The following MAP2 variants were observed in gnomAD, a reference collection of about 807,000 sequenced individuals.
MAP2 encodes microtubule associated protein 2, also known as microtubule-associated protein 2.
A neutral mutation model predicts 137.6 loss-of-function variants in MAP2; 14 were observed. The observed-to-expected ratio is 0.10, with a 90% CI of 0.07 to 0.16. MAP2 has a LOEUF of 0.16. Ranked by LOEUF, MAP2 falls within the 10% of genes least tolerant of loss-of-function variation. MAP2 has a pLI of 1.00. For missense variants in MAP2, 2,088 were observed against 2,191.5 expected, an observed-to-expected ratio of 0.95 and a Z score of 0.94; for synonymous variants, 786 against 782.3, an observed-to-expected ratio of 1.00 and a Z score of -0.08.
chr2:209,508,611 C>G (rs967716195), intron 2 of MAP2, among the ~76,000 whole-genome samples: 24 of 135,864 alleles, frequency 1.8e-4, no homozygotes, highest in African/African-American at 4.0e-4. Context: ...CACACACACA[C>G]AGAGATGAAA....
At chr2:209,510,577 C>A (rs1425767052) in intron 2 of MAP2, among the ~76,000 whole-genome samples, 3 of 152,008 alleles carry the variant, frequency 2.0e-5, no homozygotes, top group African/African-American at 7.2e-5. Context: ...CAGAAGCAGT[C>A]TGAGATTTGC....
rs763698477 is a variant in MAP2, at chr2:209,694,038, G to T, written c.1868G>T (p.Gly623Val). Residue 623 changes from glycine to valine, a missense_variant, in exon 8 of 16, where the codon GGA (glycine) becomes GTA (valine). Coordinates refer to ENST00000682079, the MANE Select transcript of MAP2 (RefSeq NM_001375505.1). ...HKNGDKEFQT[G>V]KESQPSPPAQ... ...AATGGTGACAAGGAGTTTCAAACAG[G>T]AAAAGAATCCCAGCCCAGTCCTCCA... 2.4e-5 allele frequency: 38 copies of T among 1,613,560 alleles called. 1 individual carries two copies. In the South Asian group the frequency reaches 3.8e-4, roughly 16 times the overall value.
chr2:209,514,859 A>G (rs755860575), intron 2 of MAP2, among the ~76,000 whole-genome samples: 1 of 152,132 alleles, frequency 6.6e-6, no homozygotes, highest in African/African-American at 2.4e-5. Context: ...CAATACACAC[A>G]TGTGATAGAT....
chr2:209,439,919 A>G (rs1381985388), intron 1 of MAP2, among the ~76,000 whole-genome samples: 1 of 151,508 alleles, frequency 6.6e-6, no homozygotes, highest in Non-Finnish European at 1.5e-5. Flanking sequence ...TATTTATTTT[A>G]TGGTTTTATT....
chr2:209,678,584 C>A lies in MAP2; in HGVS notation c.275C>A (p.Ala92Glu). ...ADRETAEEVS[A>E]RIVQVVTAEA... ...CTGTTTATTACAGAGGAGGTGTCTG[C>A]AAGGATAGTTCAAGTAGTCACTGCT... Residue 92 changes from alanine to glutamate, a missense_variant, in exon 6 of 16, where the codon GCA (alanine) becomes GAA (glutamate). Coordinates refer to ENST00000682079, the MANE Select transcript of MAP2 (RefSeq NM_001375505.1). The A allele has an allele frequency of 6.3e-7, 1 of 1,576,146 alleles. No homozygotes were observed. Among genetic ancestry groups the A allele is most frequent in the Non-Finnish European group, 8.6e-7 (1 of 1,159,266 alleles).
chr2:209,513,185 C>T (rs528099555), intron 2 of MAP2, among the ~76,000 whole-genome samples: 22 of 152,236 alleles, frequency 1.4e-4, no homozygotes, highest in Non-Finnish European at 2.1e-4. Flanking sequence ...TTTGAGCTTT[C>T]CAGAATCAAG....
Position 209,693,189 on chromosome 2 carries a change from T to C in MAP2, c.1019T>C (p.Phe340Ser), listed in dbSNP as rs999894929. The C allele has an allele frequency of 4.3e-6, 7 of 1,612,586 alleles. No homozygotes were observed. The highest frequency in any genetic ancestry group is 5.9e-6 in the Non-Finnish European group (7 of 1,179,582). Residue 340 changes from phenylalanine to serine, a missense_variant, in exon 8 of 16, where the codon TTT becomes TCT. Transcript: ENST00000682079. Reference sequence around the variant, plus strand: ...GAAATAGTTACAGAAACATCGCCCTTTGCCCCTGCCTTTTTACAGCCAGAT... The same window carrying C: ...GAAATAGTTACAGAAACATCGCCCTCTGCCCCTGCCTTTTTACAGCCAGAT... ...KNEIVTETSP[F>S]APAFLQPDDK...
intron 1 of MAP2, among the ~76,000 whole-genome samples, chr2:209,430,608 A>G (rs899960317): frequency 2.0e-5 from 3 of 152,166 alleles, no homozygotes; most frequent in African/African-American, 7.2e-5. Flanking sequence ...TCCAGATTCC[A>G]TTGTTCATTA....
At chr2:209,717,292 C>A (rs1310155170) in intron 13 of MAP2, among the ~76,000 whole-genome samples, 1 of 152,074 alleles carries the variant, frequency 6.6e-6, no homozygotes, top group Non-Finnish European at 1.5e-5. Flanking sequence ...GAAGAAGGTG[C>A]CTGCTTTAAG....
intron 6 of MAP2, among the ~76,000 whole-genome samples, chr2:209,679,753 T>G (rs2053736366): frequency 6.6e-6 from 1 of 152,126 alleles, no homozygotes; most frequent in African/African-American, 2.4e-5. Flanking sequence ...GAGAATTATC[T>G]AATCTAAAAC....
intron 2 of MAP2, among the ~76,000 whole-genome samples, chr2:209,537,605 T>G (rs1310852191): frequency 2.6e-5 from 4 of 152,226 alleles, no homozygotes; most frequent in Non-Finnish European, 5.9e-5. Context: ...TTTACATGAT[T>G]GTATTACAGC....
At chr2:209,546,711 T>C (rs2068143255) in intron 2 of MAP2, among the ~76,000 whole-genome samples, 1 of 152,246 alleles carries the variant, frequency 6.6e-6, no homozygotes, top group African/African-American at 2.4e-5. Context: ...ATTTGTTTGA[T>C]TCTCAAAAGG....
At position 209,695,430 on chromosome 2, in the gene MAP2, A is replaced by G; in HGVS notation, c.3260A>G (p.Glu1087Gly). The change falls in exon 8 of 16, where the codon GAG becomes GGG. Residue 1087 changes from glutamate to glycine, a missense_variant. Glu to Gly is a moderately conservative substitution (Grantham distance 98). Transcript: ENST00000682079. Reference sequence around the variant, plus strand: ...ACCCCCTCATCCAAAGCACCGCAGGAGGCAGATGCATTTATGGGTGTTGAG... The same window carrying G: ...ACCCCCTCATCCAAAGCACCGCAGGGGGCAGATGCATTTATGGGTGTTGAG... ...DMTPSSKAPQ[E>G]ADAFMGVESG... 1 of 1,613,656 alleles carries G rather than the reference A, an allele frequency of 6.2e-7. No homozygotes were observed. Among genetic ancestry groups the G allele is most frequent in the Non-Finnish European group, 8.5e-7 (1 of 1,179,840 alleles).
intron 2 of MAP2, among the ~76,000 whole-genome samples, chr2:209,575,902 G>C (rs2075300581): frequency 6.6e-6 from 1 of 152,124 alleles, no homozygotes; most frequent in Admixed American, 6.5e-5. Context: ...CATGGAAAGG[G>C]CATGGTTGCA....
At chr2:209,656,427 T>C (rs776250691) in intron 5 of MAP2, among the ~76,000 whole-genome samples, 24 of 152,168 alleles carry the variant, frequency 1.6e-4, no homozygotes, top group Non-Finnish European at 3.1e-4. Flanking sequence ...GAGGATCACC[T>C]GAGCCCAGGG....
intron 7 of MAP2, among the ~76,000 whole-genome samples, chr2:209,682,669 A>G (rs558711813): frequency 7.9e-5 from 12 of 152,198 alleles, no homozygotes; most frequent in African/African-American, 2.6e-4. Flanking sequence ...TGAGACCAGA[A>G]GCATGAGGAG....
intron 2 of MAP2, among the ~76,000 whole-genome samples, chr2:209,563,927 A>G (rs944950323): frequency 7.9e-5 from 12 of 152,234 alleles, no homozygotes; most frequent in Admixed American, 3.3e-4. Context: ...AGAATGCTGA[A>G]GGTAACTTTC....
intron 2 of MAP2, among the ~76,000 whole-genome samples, chr2:209,533,611 T>A (rs1166510383): frequency 6.6e-6 from 1 of 152,106 alleles, no homozygotes; most frequent in Non-Finnish European, 1.5e-5. Context: ...GTATGAAAAA[T>A]TTCTAAGACA....
chr2:209,693,845 G>T lies in MAP2; in HGVS notation c.1675G>T (p.Asp559Tyr), dbSNP rs1583644241. Reference protein sequence around the residue: ...GVGAATSAELDMPFYEDKSGM... With the variant: ...GVGAATSAELYMPFYEDKSGM... Reference sequence around the variant, plus strand: ...TGGAGCTGCAACATCAGCTGAGCTTGATATGCCATTTTATGAAGATAAATC... The same window carrying T: ...TGGAGCTGCAACATCAGCTGAGCTTTATATGCCATTTTATGAAGATAAATC... The change falls in exon 8 of 16, where the codon GAT becomes TAT. Residue 559 changes from aspartate (D) to tyrosine (Y), a missense_variant. By Grantham distance (160) the Asp-to-Tyr change is radical (BLOSUM62 -3). This residue lies in a region of MAP2 where 859 missense variants were observed against 794.5 expected (regional missense o/e 1.08). Coordinates refer to ENST00000682079, the MANE Select transcript of MAP2 (RefSeq NM_001375505.1). 1.2e-6 allele frequency: 2 copies of T among 1,613,580 alleles called. No homozygotes were observed. Among genetic ancestry groups the T allele is most frequent in the Non-Finnish European group, 1.7e-6 (2 of 1,179,870 alleles).
Sources: gnomAD v4.1 joint callset for allele counts (sites outside exome capture counted in the v4.1 genomes callset) on GRCh38, gnomAD v4.1.1 for gene constraint, gnomAD v4.1.1 regional missense constraint, MANE v1.5 for transcripts, NCBI Gene and HGNC (gene_info 2026-07-23, HGNC 2026-07-21) for gene names.